The following FAM13C variants were observed in gnomAD, a reference collection of about 807,000 sequenced individuals.
The protein encoded by FAM13C is family with sequence similarity 13 member C.
In FAM13C, 37 loss-of-function variants were observed where a neutral mutation model predicts 73.2. The ratio of observed to expected loss-of-function variants is 0.51; its 90% CI spans 0.39 to 0.67. FAM13C has a LOEUF of 0.67. Ranked by LOEUF, FAM13C falls within the 30% of genes least tolerant of loss-of-function variation. The probability of loss-of-function intolerance (pLI) is 0.00; values close to 1 mark genes in which losing one functional copy is unlikely to be tolerated. For missense variants in FAM13C, 589 were observed against 715.6 expected, an observed-to-expected ratio of 0.82 and a Z score of 2.02; for synonymous variants, 246 against 260.9, an observed-to-expected ratio of 0.94 and a Z score of 0.55.
chr10:59,352,173 C>T lies in FAM13C; in HGVS notation c.324+97G>A, dbSNP rs186373765. The T allele has an allele frequency of 7.0e-3, 9,645 of 1,385,734 alleles. 49 individuals are homozygous for T. The highest frequency in any genetic ancestry group is 8.2e-3 in the Non-Finnish European group (8,251 of 1,002,616). The allele number at this position is 1,385,734 out of a possible 1,614,324, so 85.8% of individuals were successfully genotyped here. On this transcript the variant is annotated intron_variant, in intron 3 of 13. Coordinates refer to ENST00000618804, the MANE Select transcript of FAM13C (RefSeq NM_198215.4). ...CAATGACAAGTCGTGCCAATCCCCT[C>T]CCGCAAAACAGTGCGCTCAAATCGT...
chr10:59,311,681 C>A (rs895262016), intron 4 of FAM13C, among the ~76,000 whole-genome samples: 1 of 152,164 alleles, frequency 6.6e-6, no homozygotes. Flanking sequence ...CCTCAGCCTG[C>A]ATGTGTGGCA....
chr10:59,266,927 C>A (rs1306362584), intron 8 of FAM13C, among the ~76,000 whole-genome samples: 1 of 152,154 alleles, frequency 6.6e-6, no homozygotes, highest in Non-Finnish European at 1.5e-5. Context: ...TATCTAGGAC[C>A]ATTTACTTCC....
chr10:59,337,159 A>G (rs1410452580), intron 3 of FAM13C, among the ~76,000 whole-genome samples: 1 of 152,212 alleles, frequency 6.6e-6, no homozygotes, highest in Non-Finnish European at 1.5e-5. Flanking sequence ...ATCATTGAAG[A>G]AAGAGGTCTC....
intron 8 of FAM13C, among the ~76,000 whole-genome samples, chr10:59,264,817 A>T (rs1842857994): frequency 6.6e-6 from 1 of 152,122 alleles, no homozygotes; most frequent in South Asian, 2.1e-4. Context: ...ACCCCCACAG[A>T]TCAGTAAAAA....
chr10:59,251,635 T>G lies in FAM13C; in HGVS notation c.1574A>C (p.Lys525Thr). ...LDHLRETRAD[K>T]KRLRKALREF... ...TCTTAAGGCTTTCCGCAGTCTCTTC[T>G]TGTCAGCCCTAGTTTCTCGGAGATG... The change falls in exon 13 of 14, where the codon AAG becomes ACG. Residue 525 changes from lysine (K) to threonine (T), a missense_variant. Physicochemically the swap from Lys to Thr is moderately conservative, Grantham distance 78 (BLOSUM62 -1). Coordinates refer to ENST00000618804, the MANE Select transcript of FAM13C (RefSeq NM_198215.4). 1.2e-6 allele frequency: 2 copies of G among 1,613,484 alleles called. No individual in the cohort carries two copies. The highest frequency in any genetic ancestry group is 1.7e-6 in the Non-Finnish European group (2 of 1,179,720).
chr10:59,293,609 A>T (rs1846541307), intron 5 of FAM13C, among the ~76,000 whole-genome samples: 1 of 152,194 alleles, frequency 6.6e-6, no homozygotes, highest in African/African-American at 2.4e-5. Flanking sequence ...AATATTTTGT[A>T]AGAAAATAAG....
chr10:59,282,815 T>C (rs916591510), intron 6 of FAM13C: 6 of 149,882 alleles, frequency 4.0e-5, no homozygotes, highest in African/African-American at 1.5e-4. Context: ...TTGGGACTTT[T>C]TGACAAGGAA....
intron 5 of FAM13C, among the ~76,000 whole-genome samples, chr10:59,289,249 G>A (rs969238722): frequency 6.6e-6 from 1 of 152,130 alleles, no homozygotes; most frequent in African/African-American, 2.4e-5. Context: ...AGTAAAGCTC[G>A]CTGCCCACTG....
chr10:59,330,123 G>C (rs1372201011), intron 3 of FAM13C, among the ~76,000 whole-genome samples: 1 of 152,152 alleles, frequency 6.6e-6, no homozygotes, highest in Admixed American at 6.5e-5. Context: ...TTGATATACA[G>C]TTCTTGATCG....
At chr10:59,253,704 T>C (rs1841637681) in intron 11 of FAM13C, 1 of 152,254 alleles carries the variant, frequency 6.6e-6, no homozygotes, top group African/African-American at 2.4e-5. Context: ...AGTATAAATG[T>C]ACCCAAGCAT....
intron 3 of FAM13C, among the ~76,000 whole-genome samples, chr10:59,329,302 C>G (rs1206848337): frequency 6.7e-6 from 1 of 148,254 alleles, no homozygotes; most frequent in Non-Finnish European, 1.5e-5. Context: ...AGTAGGATGT[C>G]CTCTGATTCC....
intron 4 of FAM13C, among the ~76,000 whole-genome samples, chr10:59,305,285 T>A (rs1052729216): frequency 1.3e-5 from 2 of 152,188 alleles, no homozygotes; most frequent in Non-Finnish European, 2.9e-5. Flanking sequence ...TAGGTCCAAA[T>A]CATAATTTGT....
At chr10:59,351,319 G>A (rs1855006486) in intron 3 of FAM13C, among the ~76,000 whole-genome samples, 2 of 105,632 alleles carry the variant, frequency 1.9e-5, no homozygotes, top group East Asian at 2.9e-4. Flanking sequence ...TTGACAGAGT[G>A]AGACCCTGTC....
chr10:59,317,600 T>C (rs575576720), intron 4 of FAM13C, among the ~76,000 whole-genome samples: 35 of 152,256 alleles, frequency 2.3e-4, no homozygotes, highest in Non-Finnish European at 4.9e-4. Flanking sequence ...AACCTTGTGA[T>C]AATTAACCTA....
chr10:59,260,843 C>T (rs987433250), intron 10 of FAM13C, among the ~76,000 whole-genome samples: 1 of 152,152 alleles, frequency 6.6e-6, no homozygotes, highest in African/African-American at 2.4e-5. Context: ...GTAGGCTTCT[C>T]TCTTATTGTC....
At chr10:59,295,639 T>C (rs1472287882) in intron 5 of FAM13C, among the ~76,000 whole-genome samples, 2 of 152,216 alleles carry the variant, frequency 1.3e-5, no homozygotes, top group Admixed American at 1.3e-4. Context: ...TCCACCCACA[T>C]TTCTGACCTA....
intron 6 of FAM13C, among the ~76,000 whole-genome samples, chr10:59,281,371 T>C (rs897049230): frequency 2.0e-5 from 3 of 152,142 alleles, no homozygotes; most frequent in Non-Finnish European, 4.4e-5. Context: ...AACCATCCCA[T>C]AATTTAAGTC....
intron 8 of FAM13C, among the ~76,000 whole-genome samples, chr10:59,265,312 G>A (rs1165424880): frequency 1.2e-5 from 1 of 80,118 alleles, no homozygotes; most frequent in African/African-American, 5.3e-5. Flanking sequence ...GGATAGGGAA[G>A]GGGTTTTGGC....
intron 8 of FAM13C, among the ~76,000 whole-genome samples, chr10:59,265,200 A>T (rs1842895291): frequency 6.6e-6 from 1 of 151,970 alleles, no homozygotes; most frequent in South Asian, 2.1e-4. Context: ...AAAGTGATTT[A>T]AAAACCATAC....
Sources: gnomAD v4.1 joint callset for allele counts (sites outside exome capture counted in the v4.1 genomes callset) on GRCh38, gnomAD v4.1.1 for gene constraint, MANE v1.5 for transcripts, NCBI Gene and HGNC (gene_info 2026-07-23, HGNC 2026-07-21) for gene names.